The following CDKL3 variants were observed in gnomAD, a reference collection of about 807,000 sequenced individuals.
CDKL3 encodes cyclin-dependent kinase-like 3.
CDKL3 carries 65 observed loss-of-function variants against 69.3 expected under a neutral mutation model. That is an observed-to-expected ratio of 0.94 (90% CI 0.77 to 1.15). The LOEUF (loss-of-function observed/expected upper bound fraction) is 1.15, where lower values mean the gene tolerates loss of function less well. Ranked by LOEUF, CDKL3 falls within the 50% of genes most tolerant of loss-of-function variation. The pLI is 0.00. For synonymous variants in CDKL3, 202 were observed against 221.6 expected, an observed-to-expected ratio of 0.91 and a Z score of 0.79; for missense variants, 652 against 689.2, an observed-to-expected ratio of 0.95 and a Z score of 0.61.
At chr5:134,354,305 T>G (rs1360167293) in intron 3 of CDKL3, among the ~76,000 whole-genome samples, 2 of 152,162 alleles carry the variant, frequency 1.3e-5, no homozygotes, top group Non-Finnish European at 2.9e-5. Context: ...ATTTAAAAAT[T>G]TTATCAAGTG....
At position 134,337,869 on chromosome 5, in the gene CDKL3, T is replaced by C. The variant is rs1165435686; in HGVS notation, c.539+12380A>G. On this transcript the variant is annotated intron_variant, in intron 4 of 12. Coordinates refer to ENST00000265334, the MANE Select transcript of CDKL3 (RefSeq NM_001113575.2). Reference sequence around the variant, plus strand: ...CCAACTGATGTATTATCCTTCTTAATGCCTCAAACTAGATCCTATTCAGAC... The same window carrying C: ...CCAACTGATGTATTATCCTTCTTAACGCCTCAAACTAGATCCTATTCAGAC... Among the ~76,000 whole-genome samples, 3 of 152,304 alleles carry C rather than the reference T, an allele frequency of 2.0e-5. No homozygotes were observed. In the East Asian group the frequency reaches 5.8e-4, roughly 29 times the overall value.
downstream of CDKL3, chr5:134,298,370 G>A: frequency 8.5e-7 from 1 of 1,183,210 alleles, no homozygotes. Context: ...AGTACAGTTT[G>A]TATCATGTCA....
chr5:134,371,605 C>G (rs373518433), upstream of CDKL3: 1 of 1,613,006 alleles, frequency 6.2e-7, no homozygotes, highest in Admixed American at 1.7e-5. Context: ...CATGTCGACC[C>G]CGGCCCGGAG....
In CDKL3 at chr5:134,350,849, AAAAGAAAGAAAAAAG is replaced by A. The variant is rs1388813105; in HGVS notation, c.361-437_361-423del. 5.9e-5 allele frequency among the ~76,000 whole-genome samples: 9 copies of A among 151,650 alleles called. No homozygotes were observed. In the East Asian group the frequency reaches 9.7e-4, roughly 16 times the overall value. ...AAAAAAAGAAAAAAAAAAAAAGAAA[AAAAGAAAGAAAAAAG>A]AAAGAAAGAAAAATAACTTATTGAA... On this transcript the variant is annotated intron_variant, in intron 3 of 12. Coordinates refer to ENST00000265334, the MANE Select transcript of CDKL3 (RefSeq NM_001113575.2).
At chr5:134,313,013 T>C (rs1769990898) in intron 6 of CDKL3, among the ~76,000 whole-genome samples, 1 of 152,228 alleles carries the variant, frequency 6.6e-6, no homozygotes, top group African/African-American at 2.4e-5. Flanking sequence ...TTAATCAAAA[T>C]ACTGAAAACA....
intron 8 of CDKL3, among the ~76,000 whole-genome samples, chr5:134,288,439 G>GT (rs1764975154): frequency 1.3e-5 from 2 of 152,212 alleles, no homozygotes; most frequent in South Asian, 4.1e-4. Context: ...TAAATGCCAT[G>GT]TTTTTTCTTG....
intron 6 of CDKL3, among the ~76,000 whole-genome samples, chr5:134,313,603 TTC>T (rs761817001): frequency 1.4e-4 from 21 of 152,164 alleles, no homozygotes; most frequent in Non-Finnish European, 2.8e-4. Context: ...AATATTATGT[TTC>T]TGTTTATTTC....
chr5:134,369,239 C>T (rs1053172468), upstream of CDKL3, among the ~76,000 whole-genome samples: 2 of 152,192 alleles, frequency 1.3e-5, no homozygotes, highest in Non-Finnish European at 2.9e-5. Flanking sequence ...GATGCACATT[C>T]ACTGAATCAG....
chr5:134,359,849 T>C, intron 3 of CDKL3, 48 bp downstream of exon 3: 1 of 1,223,722 alleles, frequency 8.2e-7, no homozygotes, highest in East Asian at 2.5e-5. Flanking sequence ...TAAGGAGCAC[T>C]TATGATTCAT....
intron 4 of CDKL3, among the ~76,000 whole-genome samples, chr5:134,335,895 G>A (rs1403108152): frequency 5.3e-5 from 8 of 152,134 alleles, no homozygotes; most frequent in African/African-American, 1.7e-4. Flanking sequence ...AAGTTTTCCT[G>A]GGTAATATCC....
intron 7 of CDKL3, among the ~76,000 whole-genome samples, chr5:134,311,505 CAA>C (rs111630635): frequency 2.3e-5 from 3 of 132,732 alleles, no homozygotes; most frequent in African/African-American, 5.5e-5. Flanking sequence ...GACTTCATCT[CAA>C]AAAAAAAAAG....
At chr5:134,311,240 A>C (rs1332909538) in intron 7 of CDKL3, among the ~76,000 whole-genome samples, 1 of 152,234 alleles carries the variant, frequency 6.6e-6, no homozygotes, top group Non-Finnish European at 1.5e-5. Context: ...GCAATGGCTC[A>C]TGCCTGTAAT....
chr5:134,318,513 C>G (rs4498301), intron 6 of CDKL3, among the ~76,000 whole-genome samples: 2 of 151,716 alleles, frequency 1.3e-5, no homozygotes, highest in African/African-American at 4.8e-5. Flanking sequence ...TGAGACGGAG[C>G]CTCTCTCTGT....
chr5:134,339,543 A>T (rs993925751), intron 4 of CDKL3, among the ~76,000 whole-genome samples: 3 of 152,194 alleles, frequency 2.0e-5, no homozygotes, highest in African/African-American at 7.2e-5. Context: ...AGAAAATATG[A>T]ACAACATGAT....
chr5:134,337,067 T>TC (rs755101352), intron 4 of CDKL3, among the ~76,000 whole-genome samples: 7 of 151,928 alleles, frequency 4.6e-5, no homozygotes, highest in Non-Finnish European at 1.0e-4. Flanking sequence ...CGGATGCCCC[T>TC]CCCCCCACCA....
chr5:134,357,809 T>C (rs559516279), intron 3 of CDKL3, among the ~76,000 whole-genome samples: 15 of 152,306 alleles, frequency 9.8e-5, no homozygotes, highest in South Asian at 6.2e-4. Flanking sequence ...CACATCTAGA[T>C]TGTCACAACA....
chr5:134,332,956 C>T (rs1776174218), intron 4 of CDKL3, among the ~76,000 whole-genome samples: 1 of 152,132 alleles, frequency 6.6e-6, no homozygotes, highest in African/African-American at 2.4e-5. Flanking sequence ...TGTTTGTGTC[C>T]TCTCTTATTT....
intron 2 of CDKL3, 138 bp from the exon 3 acceptor site, chr5:134,360,229 G>A: frequency 1.5e-6 from 1 of 674,300 alleles, no homozygotes; most frequent in East Asian, 2.8e-5. Context: ...TTTTTGAGAT[G>A]GAGTCTTGCT....
rs181024068 is a variant in CDKL3 at position 134,344,497 on chromosome 5, C to A, written c.539+5752G>T. Among the ~76,000 whole-genome samples, 130 of 152,248 alleles carry A rather than the reference C, an allele frequency of 8.5e-4. 1 individual carries two copies. The highest frequency in any genetic ancestry group is 7.7e-4 in the East Asian group (4 of 5,194). ...AGGCAAAGGATCTGAACAGACATTTCTCCAAGGACAATATACAAATGGCCA... is the reference window on the plus strand; with the variant it reads ...AGGCAAAGGATCTGAACAGACATTTATCCAAGGACAATATACAAATGGCCA... On this transcript the variant is annotated intron_variant, in intron 4 of 12. Transcript: ENST00000265334.
Sources: allele counts gnomAD v4.1 joint callset (sites outside exome capture counted in the v4.1 genomes callset), GRCh38; gene constraint gnomAD v4.1.1; transcripts MANE v1.5; gene names NCBI Gene and HGNC (gene_info 2026-07-23, HGNC 2026-07-21).